Variants in SLCO1C1 observed in about 807,000 individuals in gnomAD.
SLCO1C1 encodes the protein OAT-RP-5.
In SLCO1C1, 70 loss-of-function variants were observed where a neutral mutation model predicts 76.4. The ratio of observed to expected loss-of-function variants is 0.92; its 90% CI spans 0.76 to 1.12. SLCO1C1 has a LOEUF of 1.12. Among genes scored for constraint, SLCO1C1 ranks in the 50% most tolerant of loss-of-function variants. SLCO1C1 has a pLI of 0.00. For missense variants in SLCO1C1, 912 were observed against 823.8 expected, an observed-to-expected ratio of 1.11 and a Z score of -1.31; for synonymous variants, 306 against 286.1, an observed-to-expected ratio of 1.07 and a Z score of -0.70.
At chr12:20,716,392 CA>C (rs200396448) in intron 6 of SLCO1C1, among the ~76,000 whole-genome samples, 10 of 152,224 alleles carry the variant, frequency 6.6e-5, no homozygotes, top group East Asian at 5.8e-4. Flanking sequence ...TCCTCTGTTC[CA>C]AAAAGTATCT....
intron 10 of SLCO1C1, among the ~76,000 whole-genome samples, chr12:20,735,437 C>G (rs1315982909): frequency 6.6e-6 from 1 of 152,158 alleles, no homozygotes; most frequent in Non-Finnish European, 1.5e-5. Flanking sequence ...ATAGATTACT[C>G]CAATGTTCCC....
At chr12:20,717,534 C>T (rs1328663211) in intron 7 of SLCO1C1, among the ~76,000 whole-genome samples, 1 of 150,310 alleles carries the variant, frequency 6.7e-6, no homozygotes. Context: ...CTTGTTGGCT[C>T]TTATTGGCTT....
rs1347570471 is a variant in SLCO1C1 at position 20,752,714 on chromosome 12, G to C, written c.*186G>C. On this transcript the variant is annotated 3_prime_UTR_variant, in exon 15 of 15. Coordinates refer to ENST00000266509, the MANE Select transcript of SLCO1C1 (RefSeq NM_017435.5). Reference sequence around the variant, plus strand: ...GAAACATATAATGGAAGATGCAGATGATAAAACTAATTTTGAACTTTTTAA... The same window carrying C: ...GAAACATATAATGGAAGATGCAGATCATAAAACTAATTTTGAACTTTTTAA... The C allele has an allele frequency of 1.5e-5, 6 of 398,188 alleles. No homozygotes were observed. Among genetic ancestry groups the C allele is most frequent in the Non-Finnish European group, 2.2e-5 (5 of 227,008 alleles). The allele number at this position is 398,188 out of a possible 1,614,324, so 24.7% of individuals were successfully genotyped here.
intron 13 of SLCO1C1, among the ~76,000 whole-genome samples, chr12:20,744,187 A>G (rs779755766): frequency 2.6e-5 from 4 of 152,070 alleles, no homozygotes; most frequent in Non-Finnish European, 5.9e-5. Flanking sequence ...CTCTAATTCT[A>G]TAATGAAATA....
chr12:20,697,062 AT>A (rs572699018), intron 1 of SLCO1C1: 8 of 152,148 alleles, frequency 5.3e-5, no homozygotes, highest in African/African-American at 1.9e-4. Flanking sequence ...AAAATGTGCT[AT>A]AGTATCTCAA....
At chr12:20,697,257 A>C (rs1188460033) in intron 1 of SLCO1C1, 1 of 152,052 alleles carries the variant, frequency 6.6e-6, no homozygotes, top group Non-Finnish European at 1.5e-5. Flanking sequence ...ATAATATGAT[A>C]TCTGAATCCC....
intron 13 of SLCO1C1, 110 bp from the exon 14 acceptor site, chr12:20,750,565 C>T: frequency 1.0e-6 from 1 of 965,546 alleles, no homozygotes; most frequent in South Asian, 1.5e-5. Context: ...AATTGATGGC[C>T]TTTCATCTCC....
chr12:20,709,167 A>G (rs949215412), intron 4 of SLCO1C1, among the ~76,000 whole-genome samples: 2 of 152,182 alleles, frequency 1.3e-5, no homozygotes, highest in African/African-American at 4.8e-5. Flanking sequence ...AAAACCCCTA[A>G]TATAAAAGCA....
At chr12:20,725,973 C>T (rs193277642) in intron 9 of SLCO1C1, among the ~76,000 whole-genome samples, 1 of 152,002 alleles carries the variant, frequency 6.6e-6, no homozygotes, top group South Asian at 2.1e-4. Context: ...TAGTATCTAA[C>T]AATTTTACAT....
chr12:20,711,660 T>C lies in SLCO1C1; in HGVS notation c.529+150T>C, dbSNP rs553243697. 4.8e-5 allele frequency: 35 copies of C among 731,962 alleles called. No individual in the cohort carries two copies. The South Asian group carries it at 6.6e-4, about 14-fold the overall frequency. 45.3% of individuals were successfully genotyped at this position (731,962 alleles called of 1,614,324 possible). Reference sequence around the variant, plus strand: ...CACAGTACCATAAAAATTCCTAGAATATAAAGCAGTATATGATTAGATCCT... The same window carrying C: ...CACAGTACCATAAAAATTCCTAGAACATAAAGCAGTATATGATTAGATCCT... On this transcript the variant is annotated intron_variant, in intron 5 of 14. Transcript: ENST00000266509.
intron 11 of SLCO1C1, among the ~76,000 whole-genome samples, chr12:20,738,655 C>T (rs1948663986): frequency 6.6e-6 from 1 of 151,988 alleles, no homozygotes; most frequent in Non-Finnish European, 1.5e-5. Context: ...CTTTCAGCTA[C>T]TGTTATTTTT....
intron 9 of SLCO1C1, among the ~76,000 whole-genome samples, chr12:20,728,927 T>G (rs1948152025): frequency 6.6e-6 from 1 of 152,182 alleles, no homozygotes; most frequent in Admixed American, 6.5e-5. Flanking sequence ...TCTAAGGTTT[T>G]CTGATATCTG....
In SLCO1C1 at chr12:20,750,431, T is replaced by C. The variant is rs1321000953; in HGVS notation, c.1799-244T>C. On this transcript the variant is annotated intron_variant, in intron 13 of 14. Coordinates refer to ENST00000266509, the MANE Select transcript of SLCO1C1 (RefSeq NM_017435.5). ...TCTATAGGGGAAGAAGTTGAGCTCA[T>C]GTTGAGTTTGAAGTGCCTGAGTGAC... is the stretch of plus-strand genomic sequence containing the variant. Among the ~76,000 whole-genome samples, 3 of 152,112 alleles carry C rather than the reference T, an allele frequency of 2.0e-5. No individual in the cohort carries two copies. The East Asian group carries it at 5.8e-4, about 29-fold the overall frequency.
chr12:20,738,215 T>C (rs1411057991), intron 11 of SLCO1C1, among the ~76,000 whole-genome samples: 1 of 152,154 alleles, frequency 6.6e-6, no homozygotes, highest in African/African-American at 2.4e-5. Context: ...AAATATTCAA[T>C]CCTTAACAGA....
chr12:20,751,258 AT>A (rs1300730764), intron 14 of SLCO1C1, among the ~76,000 whole-genome samples: 1 of 152,132 alleles, frequency 6.6e-6, no homozygotes, highest in Non-Finnish European at 1.5e-5. Flanking sequence ...CTAATGTTCA[AT>A]TATTCTCGTA....
Position 20,738,456 on chromosome 12 carries a change from T to C in SLCO1C1, c.1548+1184T>C, listed in dbSNP as rs184821862. Among the ~76,000 whole-genome samples, 429 of 152,278 alleles carry C rather than the reference T, an allele frequency of 2.8e-3. 9 individuals carry two copies. The highest frequency in any genetic ancestry group is 0.024 in the Admixed American group (368 of 15,284). On this transcript the variant is annotated intron_variant, in intron 11 of 14. Coordinates refer to ENST00000266509, the MANE Select transcript of SLCO1C1 (RefSeq NM_017435.5). ...TCCTTATCAACTGGATATGAATACT[T>C]AGGCTGTATATCCACAGATATACAG... is the stretch of plus-strand genomic sequence containing the variant.
rs755788275 is a variant in SLCO1C1 at position 20,699,773 on chromosome 12, G to A, written c.129+68G>A. On this transcript the variant is annotated intron_variant, in intron 2 of 14. Transcript: ENST00000266509. ...TCTGTCCAGATATCATCTATATAAT[G>A]AAGTTAGAATGAGAATTGTTTTCTC... 53 of 1,432,464 alleles carry A rather than the reference G, an allele frequency of 3.7e-5. 2 individuals carry two copies. In the Middle Eastern group the frequency reaches 2.2e-3, roughly 60 times the overall value. 88.7% of individuals were successfully genotyped at this position (1,432,464 alleles called of 1,614,324 possible).
At chr12:20,712,496 A>C (rs1007213233) in intron 5 of SLCO1C1, among the ~76,000 whole-genome samples, 8 of 152,028 alleles carry the variant, frequency 5.3e-5, no homozygotes, top group Non-Finnish European at 8.8e-5. Context: ...AGGGAGAGCA[A>C]ATCCCCTCTT....
intron 6 of SLCO1C1, 33 bp from the exon 7 acceptor site, chr12:20,717,099 C>A: frequency 6.4e-6 from 8 of 1,259,724 alleles, no homozygotes; most frequent in Non-Finnish European, 8.6e-6. Context: ...GAAATGACAG[C>A]TTTTTTTTTT....
Sources: gnomAD v4.1 joint callset for allele counts (sites outside exome capture counted in the v4.1 genomes callset) on GRCh38, gnomAD v4.1.1 for gene constraint, MANE v1.5 for transcripts, NCBI Gene and HGNC (gene_info 2026-07-23, HGNC 2026-07-21) for gene names.